SLC3A1: variants seen among roughly 807,000 people sequenced by gnomAD.
SLC3A1 encodes solute carrier family 3 member 1.
SLC3A1 carries 78 observed loss-of-function variants against 60.3 expected under a neutral mutation model. The observed-to-expected ratio is 1.29, with a 90% confidence interval of 1.08 to 1.56. SLC3A1 has a LOEUF of 1.56. Among genes scored for constraint, SLC3A1 ranks in the 40% most tolerant of loss-of-function variants. The pLI, the probability that SLC3A1 is intolerant of heterozygous loss-of-function variation, is 0.00. For synonymous variants in SLC3A1, 392 were observed against 307.9 expected (o/e 1.27, Z -2.86); for missense variants, 1,172 against 858.9 (o/e 1.36, Z -4.56).
chr2:44,300,067 C>T lies in SLC3A1; in HGVS notation c.988C>T (p.Gln330Ter). 6.2e-7 allele frequency: 1 copy of T among 1,613,872 alleles called. No homozygotes were observed. The change falls in exon 5 of 10, where the codon CAA becomes TAA. Residue 330 changes from glutamine (Q) to a stop codon, truncating the protein, a stop_gained. Transcript: ENST00000260649. LOFTEE classifies it high-confidence loss of function. ...AGCAAAGCACCTGAGAGATGAGATC[C>T]AAGTAAATAAGACCCAAATCCCGGT... ...LEAKHLRDEI[Q>*]VNKTQIPDTV...
At chr2:44,310,562 TTC>T (rs1304505502) in intron 7 of SLC3A1, among the ~76,000 whole-genome samples, 3 of 152,200 alleles carry the variant, frequency 2.0e-5, no homozygotes, top group African/African-American at 4.8e-5. Context: ...CCTTTAAAGA[TTC>T]TGTGTCTTTT....
At position 44,312,640 on chromosome 2, in the gene SLC3A1, A is replaced by C; in HGVS notation, c.1387A>C (p.Asn463His). 1.2e-6 allele frequency: 2 copies of C among 1,614,006 alleles called. No individual in the cohort carries two copies. The highest frequency in any genetic ancestry group is 1.7e-6 in the Non-Finnish European group (2 of 1,179,890). Residue 463 changes from asparagine (N) to histidine (H), a missense_variant, in exon 8 of 10, where the codon AAC becomes CAC. Asn to His is a moderately conservative substitution (Grantham distance 68). Transcript: ENST00000260649. ...LTSRLGNQYV[N>H]VMNMLLFTLP... is the part of the protein sequence containing the mutation. Reference sequence around the variant, plus strand: ...TTCGCGTTTGGGGAATCAGTATGTCAACGTGATGAACATGCTTCTTTTCAC... The same window carrying C: ...TTCGCGTTTGGGGAATCAGTATGTCCACGTGATGAACATGCTTCTTTTCAC...
At chr2:44,283,478 G>T (rs556950521) in intron 3 of SLC3A1, among the ~76,000 whole-genome samples, 1 of 152,170 alleles carries the variant, frequency 6.6e-6, no homozygotes, top group Non-Finnish European at 1.5e-5. Context: ...CTATGAGTCT[G>T]GTGTAATTCC....
chr2:44,320,081 A>G (rs1672794129), intron 9 of SLC3A1, 118 bp from the exon 10 acceptor site: 2 of 840,464 alleles, frequency 2.4e-6, no homozygotes, highest in East Asian at 2.7e-5. Context: ...TTTGGCAATT[A>G]TAAGGGGCAA....
chr2:44,276,958 A>G (rs934943693), intron 1 of SLC3A1, among the ~76,000 whole-genome samples: 1 of 152,204 alleles, frequency 6.6e-6, no homozygotes, highest in African/African-American at 2.4e-5. Flanking sequence ...TTTGAAGAAA[A>G]CAAAACAGGA....
At position 44,313,731 on chromosome 2, in the gene SLC3A1, C is replaced by G. The variant is rs766748768; in HGVS notation, c.1501-104C>G. ...AAATGCTAATGAGTACAAACACTAG[C>G]TAAGAACTATGGGGAATTAAATAAT... On this transcript the variant is annotated intron_variant, in intron 8 of 9. Transcript: ENST00000260649. The G allele has an allele frequency of 3.2e-5, 31 of 982,772 alleles. 1 individual carries two copies. In the Middle Eastern group the frequency reaches 5.3e-3, roughly 168 times the overall value. The allele number at this position is 982,772 out of a possible 1,614,324, so 60.9% of individuals were successfully genotyped here.
At chr2:44,317,665 A>G (rs573080026) in intron 9 of SLC3A1, 1 of 152,388 alleles carries the variant, frequency 6.6e-6, no homozygotes, top group Admixed American at 6.5e-5. Context: ...TTTTCAAAGA[A>G]TTATTTTCAA....
At chr2:44,295,480 C>T (rs549427255) in intron 4 of SLC3A1, among the ~76,000 whole-genome samples, 6 of 152,226 alleles carry the variant, frequency 3.9e-5, no homozygotes, top group African/African-American at 1.2e-4. Flanking sequence ...CTTTTCCCTC[C>T]TGGTTGAGAG....
At chr2:44,291,953 G>A (rs1219239965) in intron 4 of SLC3A1, among the ~76,000 whole-genome samples, 2 of 152,172 alleles carry the variant, frequency 1.3e-5, no homozygotes, top group Non-Finnish European at 2.9e-5. Flanking sequence ...AGTGCTTTCA[G>A]CTGAAGAAGT....
In SLC3A1 at chr2:44,275,693, G is replaced by T; in HGVS notation, c.158G>T (p.Gly53Val). ...NLKHSTRGIL[G>V]SQEPDFKGVQ... Reference sequence around the variant, plus strand: ...AAGCACAGCACCAGGGGCATCCTTGGCTCCCAGGAGCCCGACTTCAAGGGC... The same window carrying T: ...AAGCACAGCACCAGGGGCATCCTTGTCTCCCAGGAGCCCGACTTCAAGGGC... The change falls in exon 1 of 10, where the codon GGC (glycine) becomes GTC (valine). Residue 53 changes from glycine (G) to valine (V), a missense_variant. Gly to Val is a moderately radical substitution (Grantham distance 109). Coordinates refer to ENST00000260649, the MANE Select transcript of SLC3A1 (RefSeq NM_000341.4). 1 of 1,614,168 alleles carries T rather than the reference G, an allele frequency of 6.2e-7. No homozygotes were observed. The highest frequency in any genetic ancestry group is 8.5e-7 in the Non-Finnish European group (1 of 1,180,014).
At chr2:44,301,232 A>T in intron 6 of SLC3A1, 105 bp downstream of exon 6, 1 of 1,388,466 alleles carries the variant, frequency 7.2e-7, no homozygotes, top group Non-Finnish European at 1.0e-6. Flanking sequence ...TAATGTAACA[A>T]GCCTGCATAA....
rs773450940 is a variant in SLC3A1 at position 44,301,115 on chromosome 2, C to T, written c.1124C>T (p.Pro375Leu). Reference protein sequence around the residue: ...RQTMDQYSTEPGRYRFMGTEA... With the variant: ...RQTMDQYSTELGRYRFMGTEA... Reference sequence around the variant, plus strand: ...ACCATGGACCAATACAGCACGGAGCCCGGCAGATACAGGTTGACCACGGCA... The same window carrying T: ...ACCATGGACCAATACAGCACGGAGCTCGGCAGATACAGGTTGACCACGGCA... The change falls in exon 6 of 10, where the codon CCC becomes CTC. Residue 375 changes from proline (P) to leucine (L), a missense_variant. By Grantham distance (98) the Pro-to-Leu change is moderately conservative. Coordinates refer to ENST00000260649, the MANE Select transcript of SLC3A1 (RefSeq NM_000341.4). 1.9e-6 allele frequency: 3 copies of T among 1,610,526 alleles called. No homozygotes were observed. In the African/African-American group the frequency reaches 4.1e-5, roughly 22 times the overall value.
chr2:44,307,388 C>G (rs546662380), intron 7 of SLC3A1, among the ~76,000 whole-genome samples: 1 of 152,252 alleles, frequency 6.6e-6, no homozygotes, highest in South Asian at 2.1e-4. Context: ...TATGGTAAGT[C>G]TACATTTAAC....
At chr2:44,303,915 CTTT>C in intron 6 of SLC3A1, 1 of 618,708 alleles carries the variant, frequency 1.6e-6, no homozygotes, top group Non-Finnish European at 2.9e-6. Flanking sequence ...TGGACTCATC[CTTT>C]TTTATGGCTG....
At chr2:44,317,884 C>A (rs918387222) in intron 9 of SLC3A1, 2 of 215,600 alleles carry the variant, frequency 9.3e-6, no homozygotes, top group Admixed American at 5.7e-5. Context: ...AAAGATAAAA[C>A]CACTCAGATA....
At chr2:44,282,905 G>A (rs1168597400) in intron 3 of SLC3A1, among the ~76,000 whole-genome samples, 5 of 152,182 alleles carry the variant, frequency 3.3e-5, no homozygotes, top group East Asian at 1.9e-4. Flanking sequence ...TGATCCTCCC[G>A]CTTCGGCCTT....
In SLC3A1 at chr2:44,320,404, A is replaced by G. The variant is rs1254979951; in HGVS notation, c.1823A>G (p.His608Arg). The change falls in exon 10 of 10, where the codon CAT becomes CGT. Residue 608 changes from histidine (H) to arginine (R), a missense_variant. Physicochemically the swap from His to Arg is conservative, Grantham distance 29. Coordinates refer to ENST00000260649, the MANE Select transcript of SLC3A1 (RefSeq NM_000341.4). ...GGAGAATCAACACTGTTAAATCTAC[A>G]TAATATGATTTCGGGCCTTCCCGCT... ...NFGESTLLNLHNMISGLPAKM... is the reference protein window; with the variant it reads ...NFGESTLLNLRNMISGLPAKM... 1 of 1,614,104 alleles carries G rather than the reference A, an allele frequency of 6.2e-7. No individual in the cohort carries two copies. Among genetic ancestry groups the G allele is most frequent in the Admixed American group, 1.7e-5 (1 of 60,028 alleles).
In SLC3A1 at chr2:44,312,713, G is replaced by A. The variant is rs775429501; in HGVS notation, c.1460G>A (p.Gly487Glu). The A allele has an allele frequency of 6.2e-7, 1 of 1,613,388 alleles. No homozygotes were observed. The change falls in exon 8 of 10, where the codon GGA becomes GAA. Residue 487 changes from glycine (G) to glutamate (E), a missense_variant. Gly to Glu is a moderately conservative substitution (Grantham distance 98). Coordinates refer to ENST00000260649, the MANE Select transcript of SLC3A1 (RefSeq NM_000341.4). ...TACTATGGAGAAGAAATTGGAATGGGAAATATTGTAGCCGCAAATCTCAAT... is the reference window on the plus strand; with the variant it reads ...TACTATGGAGAAGAAATTGGAATGGAAAATATTGTAGCCGCAAATCTCAAT... Reference protein sequence around the residue: ...ITYYGEEIGMGNIVAANLNES... With the variant: ...ITYYGEEIGMENIVAANLNES...
Position 44,313,893 on chromosome 2 carries a change from C to T in SLC3A1, c.1559C>T (p.Ser520Phe). ...GACAATAGTTCAAATGCTGGTTTTT[C>T]TGAAGCTAGTAACACCTGGTTACCT... ...QWDNSSNAGF[S>F]EASNTWLPTN... Residue 520 changes from serine (S) to phenylalanine (F), a missense_variant, in exon 9 of 10, where the codon TCT (serine) becomes TTT (phenylalanine). Ser to Phe is a radical substitution (Grantham distance 155). Transcript: ENST00000260649. 1 of 1,614,064 alleles carries T rather than the reference C, an allele frequency of 6.2e-7. No individual in the cohort carries two copies. The highest frequency in any genetic ancestry group is 8.5e-7 in the Non-Finnish European group (1 of 1,179,978).
Sources: gnomAD v4.1 joint callset for allele counts (sites outside exome capture counted in the v4.1 genomes callset) on GRCh38, gnomAD v4.1.1 for gene constraint, MANE v1.5 for transcripts, NCBI Gene and HGNC (gene_info 2026-07-23, HGNC 2026-07-21) for gene names.